The following NXPH2 variants were observed in gnomAD, a reference collection of about 807,000 sequenced individuals.
NXPH2 encodes neurexophilin-2.
Under a neutral mutation model 19.8 loss-of-function variants are expected in NXPH2, and 5 were observed. That is an observed-to-expected ratio of 0.25 (90% CI 0.13 to 0.53). NXPH2 has a LOEUF of 0.53. Ranked by LOEUF, NXPH2 falls within the 20% of genes least tolerant of loss-of-function variation. The pLI is 0.96. For synonymous variants in NXPH2, 154 were observed against 127.4 expected, an observed-to-expected ratio of 1.21 and a Z score of -1.41; for missense variants, 289 against 322.8, an observed-to-expected ratio of 0.90 and a Z score of 0.80.
intron 1 of NXPH2, among the ~76,000 whole-genome samples, chr2:138,675,309 T>C (rs1178782657): frequency 3.9e-5 from 6 of 152,210 alleles, no homozygotes; most frequent in African/African-American, 1.4e-4. Flanking sequence ...TTTTAGTGCT[T>C]TGCCCAATTT....
chr2:138,706,478 A>C (rs1313627533), intron 1 of NXPH2, among the ~76,000 whole-genome samples: 1 of 152,188 alleles, frequency 6.6e-6, no homozygotes, highest in African/African-American at 2.4e-5. Context: ...GATCTATCCA[A>C]TTATTTTGAA....
intron 1 of NXPH2, among the ~76,000 whole-genome samples, chr2:138,762,140 T>A (rs1046936013): frequency 3.9e-5 from 6 of 152,194 alleles, no homozygotes; most frequent in Non-Finnish European, 5.9e-5. Context: ...GTTATGACAC[T>A]TCTAGCTTGT....
chr2:138,698,256 A>G (rs1680858003), intron 1 of NXPH2, among the ~76,000 whole-genome samples: 1 of 152,174 alleles, frequency 6.6e-6, no homozygotes, highest in African/African-American at 2.4e-5. Flanking sequence ...TTTTAATAAT[A>G]TGGGGGATAC....
At chr2:138,672,011 G>T (rs1273483740) in intron 1 of NXPH2, among the ~76,000 whole-genome samples, 1 of 152,118 alleles carries the variant, frequency 6.6e-6, no homozygotes, top group Non-Finnish European at 1.5e-5. Context: ...TCATTAAATT[G>T]TCAACTCTTT....
chr2:138,769,834 C>T (rs1042564003), intron 1 of NXPH2, among the ~76,000 whole-genome samples: 1 of 152,144 alleles, frequency 6.6e-6, no homozygotes, highest in African/African-American at 2.4e-5. Context: ...TCTATTTATG[C>T]TGTTAAACAT....
At chr2:138,724,696 G>A (rs1381551746) in intron 1 of NXPH2, among the ~76,000 whole-genome samples, 2 of 152,194 alleles carry the variant, frequency 1.3e-5, no homozygotes, top group Admixed American at 6.5e-5. Flanking sequence ...GCGAAACAGT[G>A]AAACTCTACT....
At chr2:138,720,094 T>G (rs1210922694) in intron 1 of NXPH2, among the ~76,000 whole-genome samples, 2 of 151,340 alleles carry the variant, frequency 1.3e-5, no homozygotes, top group Non-Finnish European at 2.9e-5. Context: ...TCTATTGAAA[T>G]GTTCTGGGAT....
At chr2:138,697,634 A>C (rs911134040) in intron 1 of NXPH2, among the ~76,000 whole-genome samples, 1 of 151,910 alleles carries the variant, frequency 6.6e-6, no homozygotes, top group Non-Finnish European at 1.5e-5. Flanking sequence ...AGGATAATAC[A>C]TTCTTGGTAT....
chr2:138,763,122 T>C (rs12986854), intron 1 of NXPH2, among the ~76,000 whole-genome samples: 31,573 of 152,092 alleles, frequency 0.21, 3,481 homozygotes, highest in Middle Eastern at 0.3. Flanking sequence ...GACAGTAAGA[T>C]AGTAAATTAA....
At chr2:138,713,776 G>C (rs144447004) in intron 1 of NXPH2, among the ~76,000 whole-genome samples, 1 of 152,038 alleles carries the variant, frequency 6.6e-6, no homozygotes, top group Non-Finnish European at 1.5e-5. Context: ...CTTTTGTTTC[G>C]CACCAAATCA....
intron 1 of NXPH2, among the ~76,000 whole-genome samples, chr2:138,676,456 C>T (rs1680485282): frequency 6.6e-6 from 1 of 152,160 alleles, no homozygotes; most frequent in Non-Finnish European, 1.5e-5. Context: ...GCTGATGAGC[C>T]ACAACCCTTC....
intron 1 of NXPH2, among the ~76,000 whole-genome samples, chr2:138,682,259 CAAATCTTGGA>C (rs1262134018): frequency 6.6e-6 from 1 of 152,020 alleles, no homozygotes; most frequent in African/African-American, 2.4e-5. Flanking sequence ...TGCTTGTAAA[CAAATCTTGGA>C]AAGCATTTCT....
At chr2:138,735,494 C>G (rs12988257) in intron 1 of NXPH2, among the ~76,000 whole-genome samples, 52,338 of 152,000 alleles carry the variant, frequency 0.34, 11,025 homozygotes, top group Non-Finnish European at 0.49. Flanking sequence ...ATCACAAGAA[C>G]AGTATGGAAG....
intron 1 of NXPH2, among the ~76,000 whole-genome samples, chr2:138,732,188 A>C (rs927736579): frequency 2.0e-5 from 3 of 152,206 alleles, no homozygotes; most frequent in Admixed American, 6.5e-5. Context: ...TGGTGATCTC[A>C]TACACAATGT....
intron 1 of NXPH2, among the ~76,000 whole-genome samples, chr2:138,777,610 ATAGT>A (rs1467225995): frequency 6.6e-6 from 1 of 151,918 alleles, no homozygotes; most frequent in Non-Finnish European, 1.5e-5. Context: ...ATATATAACC[ATAGT>A]TAGTGACTTA....
In NXPH2 at chr2:138,670,788, T is replaced by C; in HGVS notation, c.*134A>G. On this transcript the variant is annotated 3_prime_UTR_variant, in exon 2 of 2. Transcript: ENST00000272641. ...AGATGTCTCTTTTTCTTTTTTTAAA[T>C]TTGAAAACCTGATAGGGAACTATTG... is the stretch of plus-strand genomic sequence containing the variant. 1 of 936,234 alleles carries C rather than the reference T, an allele frequency of 1.1e-6. No individual in the cohort carries two copies. Among genetic ancestry groups the C allele is most frequent in the Non-Finnish European group, 1.5e-6 (1 of 664,566 alleles). 58.0% of individuals were successfully genotyped at this position (936,234 alleles called of 1,614,324 possible).
intron 1 of NXPH2, among the ~76,000 whole-genome samples, chr2:138,722,207 T>G (rs1681292593): frequency 6.6e-6 from 1 of 152,224 alleles, no homozygotes; most frequent in Non-Finnish European, 1.5e-5. Flanking sequence ...AGAAACTAAC[T>G]GAGAACTGCT....
chr2:138,739,005 G>A (rs988818631), intron 1 of NXPH2, among the ~76,000 whole-genome samples: 3 of 152,124 alleles, frequency 2.0e-5, no homozygotes, highest in African/African-American at 7.2e-5. Context: ...GGGAAACAGA[G>A]TTATTTTTTT....
Position 138,777,465 on chromosome 2 carries a change from C to T in NXPH2, c.51+2726G>A, listed in dbSNP as rs10928668. ...TGGGCAAGGACAGGTAAGAGACATA[C>T]ATTCTTCCTAGCCTACTTGCAGTAT... On this transcript the variant is annotated intron_variant, in intron 1 of 1. Coordinates refer to ENST00000272641, the MANE Select transcript of NXPH2 (RefSeq NM_007226.3). 8.0e-3 allele frequency among the ~76,000 whole-genome samples: 1,214 copies of T among 152,216 alleles called. 15 individuals are homozygous for T. Among genetic ancestry groups the T allele is most frequent in the African/African-American group, 0.028 (1,154 of 41,558 alleles).
Sources: allele counts gnomAD v4.1 joint callset (sites outside exome capture counted in the v4.1 genomes callset), GRCh38; gene constraint gnomAD v4.1.1; transcripts MANE v1.5; gene names NCBI Gene and HGNC (gene_info 2026-07-23, HGNC 2026-07-21).